MGST2: variants seen among roughly 807,000 people sequenced by gnomAD.
MGST2 encodes the protein glutathione peroxidase MGST2.
In MGST2, 9 loss-of-function variants were observed where a neutral mutation model predicts 16.6. The observed-to-expected ratio is 0.54, with a 90% CI of 0.33 to 0.95. MGST2 has a LOEUF of 0.95. MGST2 is among the 40% of genes least tolerant of loss of function. MGST2 has a pLI of 0.03. For synonymous variants in MGST2, 79 were observed against 68.0 expected, an observed-to-expected ratio of 1.16 and a Z score of -0.79; for missense variants, 159 against 175.1, an observed-to-expected ratio of 0.91 and a Z score of 0.52.
At chr4:139,721,046 T>A (rs1728212005) in intron 5 of MGST2, among the ~76,000 whole-genome samples, 1 of 152,238 alleles carries the variant, frequency 6.6e-6, no homozygotes. Flanking sequence ...ACTGGCCAGC[T>A]TCCTGAGCTA....
chr4:139,719,418 G>A, intron 5 of MGST2: 1 of 1,614,044 alleles, frequency 6.2e-7, no homozygotes, highest in Non-Finnish European at 8.5e-7. Flanking sequence ...CCGTCCGGGA[G>A]GCCAGGGAAG....
intron 5 of MGST2, among the ~76,000 whole-genome samples, chr4:139,739,679 G>GTTTCTTTTTTTTTTTTTTT (rs200037455): frequency 1.5e-5 from 2 of 132,356 alleles, no homozygotes; most frequent in African/African-American, 2.8e-5. Context: ...GAGGAAAGCA[G>GTTTCTTTTTTTTTTTTTTT]TTTTTTTTTT....
chr4:139,671,790 C>T lies in MGST2; in HGVS notation c.58+5713C>T, dbSNP rs529331418. 2.6e-5 allele frequency among the ~76,000 whole-genome samples: 4 copies of T among 152,188 alleles called. No individual in the cohort carries two copies. The South Asian group carries it at 8.3e-4, about 32-fold the overall frequency. On this transcript the variant is annotated intron_variant, in intron 1 of 4. Coordinates refer to ENST00000265498, the MANE Select transcript of MGST2 (RefSeq NM_002413.5). ...CTGAGTATCTGGGACTACAGGCACA[C>T]GACACTGCACCTGGCTAATTTTTGT...
In MGST2 at chr4:139,735,360, TTTC is replaced by T. The variant is rs1157937648; in HGVS notation, c.*49-4848_*49-4846del. Among the ~76,000 whole-genome samples, 1 of 152,086 alleles carries T rather than the reference TTTC, an allele frequency of 6.6e-6. No homozygotes were observed. Among genetic ancestry groups the T allele is most frequent in the Non-Finnish European group, 1.5e-5 (1 of 68,014 alleles). On this transcript the variant is annotated intron_variant, in intron 5 of 5. Coordinates refer to the MGST2 transcript ENST00000616265. This position sits in a 1 kb window ranked among gnomAD's most constrained non-coding sequence, Gnocchi z 5.8. ...CTGAACTGGTTTCTCATTACCGACT[TTTC>T]TTCCAGCCGGAGGGGAGGAAGAATT...
chr4:139,735,883 C>A lies in MGST2; in HGVS notation c.*49-4329C>A, dbSNP rs1305182103. Among the ~76,000 whole-genome samples, 2 of 151,836 alleles carry A rather than the reference C, an allele frequency of 1.3e-5. No homozygotes were observed. The highest frequency in any genetic ancestry group is 2.4e-5 in the African/African-American group (1 of 41,376). On this transcript the variant is annotated intron_variant, in intron 5 of 5. Transcript: ENST00000616265. The surrounding 1 kb of genome is among the most constrained non-coding windows in gnomAD (Gnocchi z 5.8). ...GGTGCGGCGGCGCTCGGGAGACCCGCGAGGGGCCCTGGAGGTCCTCGGCCC... is the reference window on the plus strand; with the variant it reads ...GGTGCGGCGGCGCTCGGGAGACCCGAGAGGGGCCCTGGAGGTCCTCGGCCC...
At chr4:139,720,153 T>G in intron 5 of MGST2, 1 of 1,614,042 alleles carries the variant, frequency 6.2e-7, no homozygotes, top group Non-Finnish European at 8.5e-7. Context: ...GTAGGCGTGG[T>G]GCTATAAGGG....
At chr4:139,695,987 A>G (rs1381983506) in intron 3 of MGST2, among the ~76,000 whole-genome samples, 2 of 152,252 alleles carry the variant, frequency 1.3e-5, no homozygotes, top group East Asian at 3.8e-4. Flanking sequence ...CAGTCTACTA[A>G]TAAATATTTT....
chr4:139,677,193 G>A (rs1364379655), intron 1 of MGST2, among the ~76,000 whole-genome samples: 1 of 152,144 alleles, frequency 6.6e-6, no homozygotes, highest in Non-Finnish European at 1.5e-5. Context: ...AACCAATTTA[G>A]AAAGTTTATT....
chr4:139,730,467 C>T (rs772595276), intron 5 of MGST2: 2 of 1,552,590 alleles, frequency 1.3e-6, no homozygotes. Flanking sequence ...GCCTTTGCTC[C>T]CGCAGGAACT....
chr4:139,674,239 G>A (rs571772603), intron 1 of MGST2, among the ~76,000 whole-genome samples: 65 of 152,320 alleles, frequency 4.3e-4, no homozygotes, highest in African/African-American at 1.4e-3. Context: ...ATTCATTTAT[G>A]TCAGATGTAC....
At chr4:139,671,932 G>T (rs528263310) in intron 1 of MGST2, among the ~76,000 whole-genome samples, 1 of 152,086 alleles carries the variant, frequency 6.6e-6, no homozygotes, top group South Asian at 2.1e-4. Flanking sequence ...ACGAACTACC[G>T]CACCTGGCCC....
intron 5 of MGST2, among the ~76,000 whole-genome samples, chr4:139,714,965 G>A (rs1727886514): frequency 6.6e-6 from 1 of 152,168 alleles, no homozygotes; most frequent in African/African-American, 2.4e-5. Flanking sequence ...AAGTACAAGG[G>A]AGATTAATCC....
intron 2 of MGST2, 51 bp downstream of exon 2, chr4:139,678,693 A>G: frequency 2.2e-6 from 3 of 1,352,086 alleles, no homozygotes; most frequent in South Asian, 2.3e-5. Flanking sequence ...CCATACAGAC[A>G]CAATTCCTGA....
intron 1 of MGST2, 63 bp downstream of exon 1, chr4:139,666,140 G>C: frequency 6.6e-7 from 1 of 1,516,054 alleles, no homozygotes; most frequent in Admixed American, 1.7e-5. Context: ...GTGTGACAAG[G>C]CTTGCGGGAG....
At chr4:139,700,106 G>GT (rs1376681020) in intron 3 of MGST2, among the ~76,000 whole-genome samples, 21 of 116,716 alleles carry the variant, frequency 1.8e-4, no homozygotes, top group Admixed American at 1.3e-3. Context: ...TACTGTTTTT[G>GT]TTTTTTGGTC....
chr4:139,738,005 C>T (rs1579378311), intron 5 of MGST2, among the ~76,000 whole-genome samples: 1 of 152,348 alleles, frequency 6.6e-6, no homozygotes, highest in East Asian at 1.9e-4. Flanking sequence ...GCGAAGGCTG[C>T]TAAATGGGTC....
intron 1 of MGST2, among the ~76,000 whole-genome samples, chr4:139,667,249 C>A (rs1195887509): frequency 6.6e-6 from 1 of 152,026 alleles, no homozygotes; most frequent in African/African-American, 2.4e-5. Context: ...TACGGAGAAA[C>A]CTTTAGGCTG....
intron 1 of MGST2, among the ~76,000 whole-genome samples, chr4:139,668,610 A>G (rs1730498184): frequency 7.0e-6 from 1 of 143,306 alleles, no homozygotes; most frequent in Admixed American, 7.0e-5. Flanking sequence ...AGAGAGAGAG[A>G]GAGAGGAGGG....
At chr4:139,744,443 G>A (rs1208593721), downstream of MGST2, among the ~76,000 whole-genome samples, 1 of 152,304 alleles carries the variant, frequency 6.6e-6, no homozygotes, top group African/African-American at 2.4e-5. Context: ...TTATAGCTTT[G>A]CTTGGGATTT....
Sources: gnomAD v4.1 joint callset for allele counts (sites outside exome capture counted in the v4.1 genomes callset) on GRCh38, gnomAD v4.1.1 for gene constraint, Gnocchi (gnomAD v3.1) non-coding constraint, MANE v1.5 for transcripts, NCBI Gene and HGNC (gene_info 2026-07-23, HGNC 2026-07-21) for gene names.